Variants in ITGA2 observed in about 807,000 individuals in gnomAD.
ITGA2 encodes integrin subunit alpha 2.
ITGA2 carries 101 observed loss-of-function variants against 146.3 expected under a neutral mutation model. That is an observed-to-expected ratio of 0.69 (90% confidence interval 0.59 to 0.81). The LOEUF (loss-of-function observed/expected upper bound fraction) is 0.81. Among genes scored for constraint, ITGA2 ranks in the 40% least tolerant of loss-of-function variants. The probability of loss-of-function intolerance (pLI) is 0.00; values close to 1 mark genes in which losing one functional copy is unlikely to be tolerated. For missense variants in ITGA2, 1,281 were observed against 1,402.7 expected, an observed-to-expected ratio of 0.91 and a Z score of 1.39; for synonymous variants, 477 against 487.1, an observed-to-expected ratio of 0.98 and a Z score of 0.27.
intron 6 of ITGA2, 96 bp from the exon 7 acceptor site, chr5:53,051,315 A>G: frequency 7.8e-7 from 1 of 1,283,856 alleles, no homozygotes; most frequent in Non-Finnish European, 1.1e-6. Context: ...CTACCGGCCC[A>G]TGTCTAAATG....
intron 1 of ITGA2, among the ~76,000 whole-genome samples, chr5:52,998,603 A>G (rs1344643908): frequency 6.6e-6 from 1 of 152,116 alleles, no homozygotes; most frequent in African/African-American, 2.4e-5. Flanking sequence ...ACTGAGATTC[A>G]TGCACCCTAG....
At chr5:53,056,730 T>A (rs1200586300) in intron 9 of ITGA2, among the ~76,000 whole-genome samples, 1 of 151,920 alleles carries the variant, frequency 6.6e-6, no homozygotes, top group Admixed American at 6.6e-5. Flanking sequence ...AATAATTTAC[T>A]TAGGTGGCCT....
intron 7 of ITGA2, among the ~76,000 whole-genome samples, chr5:53,053,866 A>G (rs760430071): frequency 5.3e-5 from 8 of 152,126 alleles, no homozygotes; most frequent in Non-Finnish European, 8.8e-5. Flanking sequence ...ATTTCATTCA[A>G]TGCCTACAGT....
intron 16 of ITGA2, among the ~76,000 whole-genome samples, chr5:53,068,017 C>T (rs760917342): frequency 1.2e-4 from 18 of 151,944 alleles, no homozygotes; most frequent in Non-Finnish European, 1.9e-4. Flanking sequence ...AAGCTACCTT[C>T]TTTCATTAAC....
chr5:53,067,442 C>A (rs779084652), intron 16 of ITGA2, among the ~76,000 whole-genome samples, 185 bp downstream of exon 16: 2 of 151,802 alleles, frequency 1.3e-5, no homozygotes, highest in Non-Finnish European at 2.9e-5. Flanking sequence ...TTAGATCTTC[C>A]TTCCACATCT....
At chr5:53,002,853 T>C (rs1215397612) in intron 1 of ITGA2, among the ~76,000 whole-genome samples, 1 of 152,232 alleles carries the variant, frequency 6.6e-6, no homozygotes, top group African/African-American at 2.4e-5. Context: ...GTTTGATGGA[T>C]ATAAAGTGGT....
intron 24 of ITGA2, among the ~76,000 whole-genome samples, 163 bp downstream of exon 24, chr5:53,079,037 T>C (rs1275194762): frequency 1.3e-5 from 2 of 152,206 alleles, no homozygotes; most frequent in East Asian, 3.9e-4. Flanking sequence ...AAACCACAGA[T>C]GCTGGGCTTT....
intron 27 of ITGA2, among the ~76,000 whole-genome samples, chr5:53,085,383 GC>G (rs1486528412): frequency 1.3e-5 from 2 of 152,136 alleles, no homozygotes; most frequent in Non-Finnish European, 2.9e-5. Flanking sequence ...GATGTGTGTG[GC>G]ATGCTTACCT....
chr5:53,058,964 C>T (rs1232463683), intron 10 of ITGA2, among the ~76,000 whole-genome samples: 1 of 151,960 alleles, frequency 6.6e-6, no homozygotes, highest in Non-Finnish European at 1.5e-5. Context: ...CAGAGTCCCT[C>T]AATTTACTAC....
At chr5:53,012,124 G>T (rs993632265) in intron 1 of ITGA2, among the ~76,000 whole-genome samples, 1 of 152,170 alleles carries the variant, frequency 6.6e-6, no homozygotes, top group Admixed American at 6.5e-5. Flanking sequence ...CTAGAGTGGA[G>T]ATTCCCTCAG....
intron 2 of ITGA2, among the ~76,000 whole-genome samples, chr5:53,040,109 G>A (rs1010618814): frequency 2.0e-5 from 3 of 152,070 alleles, no homozygotes; most frequent in African/African-American, 7.2e-5. Flanking sequence ...AAACTAATGA[G>A]TAGACATTGC....
intron 1 of ITGA2, 21 bp from the exon 2 acceptor site, chr5:53,026,727 A>G (rs1742968658): frequency 5.6e-6 from 9 of 1,595,010 alleles, no homozygotes; most frequent in Non-Finnish European, 7.7e-6. Flanking sequence ...AATATGTGCT[A>G]TTTCATATTT....
chr5:53,038,062 G>A (rs990014096), intron 2 of ITGA2, among the ~76,000 whole-genome samples: 3 of 152,066 alleles, frequency 2.0e-5, no homozygotes, highest in Non-Finnish European at 2.9e-5. Context: ...GTGCTGCAAG[G>A]TTATCAAATC....
intron 22 of ITGA2, 22 bp downstream of exon 22, chr5:53,075,159 A>C (rs1745602226): frequency 6.2e-7 from 1 of 1,604,984 alleles, no homozygotes; most frequent in Non-Finnish European, 8.5e-7. Flanking sequence ...TGAAGTCATG[A>C]ATGGAATGAT....
intron 23 of ITGA2, 37 bp downstream of exon 23, chr5:53,075,341 C>A (rs764788713): frequency 9.8e-6 from 15 of 1,524,118 alleles, no homozygotes; most frequent in Non-Finnish European, 1.3e-5. Context: ...ATCACTGACA[C>A]CAACTCTAGA....
At chr5:53,084,296 T>C (rs1028754570) in intron 27 of ITGA2, among the ~76,000 whole-genome samples, 1 of 151,968 alleles carries the variant, frequency 6.6e-6, no homozygotes, top group Admixed American at 6.6e-5. Context: ...TACTAGATTT[T>C]TTTTTTCTTT....
In ITGA2 at chr5:53,030,775, G is replaced by A. The variant is rs76918820; in HGVS notation, c.185+3907G>A. Among the ~76,000 whole-genome samples, 257 of 152,344 alleles carry A rather than the reference G, an allele frequency of 1.7e-3. 1 individual carries two copies. Among genetic ancestry groups the A allele is most frequent in the Non-Finnish European group, 2.8e-3 (188 of 68,026 alleles). ...ATAGGCAACTTTGAATAATATAGAAGACATCAGTCAGTGTAAACCCCTTGC... is the reference window on the plus strand; with the variant it reads ...ATAGGCAACTTTGAATAATATAGAAAACATCAGTCAGTGTAAACCCCTTGC... On this transcript the variant is annotated intron_variant, in intron 2 of 29. Transcript: ENST00000296585.
At chr5:53,022,419 G>A (rs1388364438) in intron 1 of ITGA2, among the ~76,000 whole-genome samples, 3 of 152,102 alleles carry the variant, frequency 2.0e-5, no homozygotes, top group African/African-American at 7.2e-5. Flanking sequence ...CCAATCATAT[G>A]TTTCTCTTTT....
At chr5:53,065,356 CAAAT>C (rs985597321) in intron 14 of ITGA2, among the ~76,000 whole-genome samples, 1 of 151,422 alleles carries the variant, frequency 6.6e-6, no homozygotes, top group Non-Finnish European at 1.5e-5. Flanking sequence ...TTGGAGGAGA[CAAAT>C]AAAAAGAAAG....
Sources: gnomAD v4.1 joint callset for allele counts (sites outside exome capture counted in the v4.1 genomes callset) on GRCh38, gnomAD v4.1.1 for gene constraint, MANE v1.5 for transcripts, NCBI Gene and HGNC (gene_info 2026-07-23, HGNC 2026-07-21) for gene names.